SLC17A1: variants seen among roughly 807,000 people sequenced by gnomAD.
SLC17A1 encodes the protein sodium-dependent phosphate transport protein 1.
A neutral mutation model predicts 53.5 loss-of-function variants in SLC17A1; 51 were observed. The observed-to-expected ratio is 0.95, with a 90% CI of 0.76 to 1.20. The LOEUF is 1.20. Among genes scored for constraint, SLC17A1 ranks in the 50% most tolerant of loss-of-function variants. The probability of loss-of-function intolerance (pLI) is 0.00; values close to 1 mark genes in which losing one functional copy is unlikely to be tolerated. For synonymous variants in SLC17A1, 179 were observed against 198.8 expected (o/e 0.90, Z 0.84); for missense variants, 538 against 568.2 (o/e 0.95, Z 0.54).
At chr6:25,761,893 C>T in the SLC17A1 span, 1 of 1,261,218 alleles carries the variant, frequency 7.9e-7, no homozygotes, top group East Asian at 2.4e-5. Flanking sequence ...ATAAGATTCT[C>T]CCTGTATTTT....
chr6:25,810,747 C>T (rs188946209), intron 10 of SLC17A1, among the ~76,000 whole-genome samples: 60 of 152,258 alleles, frequency 3.9e-4, no homozygotes, highest in African/African-American at 1.4e-3. Flanking sequence ...AATTCCACTC[C>T]TGGGTGTCTA....
chr6:25,747,447 T>A, the SLC17A1 span, among the ~76,000 whole-genome samples: 1 of 152,182 alleles, frequency 6.6e-6, no homozygotes, highest in Non-Finnish European at 1.5e-5. Context: ...AGAATATGAC[T>A]CTAGGATGTC....
intron 12 of SLC17A1, among the ~76,000 whole-genome samples, chr6:25,792,158 T>G (rs1248528740): frequency 6.6e-6 from 1 of 152,188 alleles, no homozygotes; most frequent in Non-Finnish European, 1.5e-5. Context: ...ATTTGGGACT[T>G]CCAGCATTCA....
At chr6:25,726,076 A>C in the SLC17A1 span, 1 of 1,457,154 alleles carries the variant, frequency 6.9e-7, no homozygotes, top group South Asian at 1.4e-5. Flanking sequence ...GTGGCTCTGA[A>C]AAGAGCCTTT....
intron 12 of SLC17A1, among the ~76,000 whole-genome samples, chr6:25,784,398 G>T (rs1024488396): frequency 3.3e-5 from 5 of 152,194 alleles, no homozygotes; most frequent in South Asian, 2.1e-4. Flanking sequence ...TGCTTCTGGT[G>T]AGGGTCTCAG....
In SLC17A1 at chr6:25,813,064, G is replaced by A. The variant is rs1300157307; in HGVS notation, c.735+31C>T. The A allele has an allele frequency of 3.1e-6, 5 of 1,611,222 alleles. No individual in the cohort carries two copies. The Admixed American group carries it at 8.3e-5, about 27-fold the overall frequency. Reference sequence around the variant, plus strand: ...CATGTTTAGTTTGGAGTAGAATCTGGGAGATGCCAATATGGAGAACTGTGT... The same window carrying A: ...CATGTTTAGTTTGGAGTAGAATCTGAGAGATGCCAATATGGAGAACTGTGT... On this transcript the variant is annotated intron_variant, in intron 7 of 12. Coordinates refer to ENST00000244527, the MANE Select transcript of SLC17A1 (RefSeq NM_005074.5).
chr6:25,830,686 T>C, intron 1 of SLC17A1, 79 bp from the exon 2 acceptor site: 1 of 854,030 alleles, frequency 1.2e-6, no homozygotes, highest in Admixed American at 1.9e-5. Flanking sequence ...TCCTCTCTGA[T>C]TTAAAACCGC....
At chr6:25,731,963 A>G in the SLC17A1 span, 1 of 1,597,144 alleles carries the variant, frequency 6.3e-7, no homozygotes, top group East Asian at 2.3e-5. Context: ...AAATGTCACT[A>G]ACAAAAGAAT....
At chr6:25,773,211 C>T in the SLC17A1 span, 1 of 1,277,520 alleles carries the variant, frequency 7.8e-7, no homozygotes, top group Admixed American at 1.7e-5. Context: ...CAGGAATCAT[C>T]TTAGAGTCAA....
At chr6:25,773,187 C>A in the SLC17A1 span, 2 of 1,008,628 alleles carry the variant, frequency 2.0e-6, no homozygotes, top group Non-Finnish European at 3.1e-6. Context: ...TGAGGCCAGT[C>A]ACTCTGTCAA....
the SLC17A1 span, among the ~76,000 whole-genome samples, chr6:25,774,571 A>C: frequency 6.6e-6 from 1 of 152,210 alleles, no homozygotes; most frequent in African/African-American, 2.4e-5. Flanking sequence ...GAAGAGGGCC[A>C]GAAATTAAAC....
chr6:25,796,915 T>A lies in SLC17A1; in HGVS notation c.*2+1868A>T, dbSNP rs1032184903. 2.0e-4 allele frequency among the ~76,000 whole-genome samples: 30 copies of A among 152,310 alleles called. 1 individual carries two copies. Among genetic ancestry groups the A allele is most frequent in the Middle Eastern group, 3.4e-3 (1 of 294 alleles). On this transcript the variant is annotated intron_variant, in intron 12 of 12. Transcript: ENST00000244527. The stretch of plus-strand genomic sequence containing the variant: ...ATCGCACAGATGAGATGCCAACCTA[T>A]ATACTAACCCATCACATATACAACA...
At chr6:25,729,515 G>C in the SLC17A1 span, among the ~76,000 whole-genome samples, 1 of 152,182 alleles carries the variant, frequency 6.6e-6, no homozygotes, top group South Asian at 2.1e-4. Flanking sequence ...TTCCTCTCAG[G>C]TCCATTTTCT....
chr6:25,743,412 T>A, the SLC17A1 span, among the ~76,000 whole-genome samples: 4,940 of 152,270 alleles, frequency 0.032, 216 homozygotes, highest in African/African-American at 0.094. Flanking sequence ...GCCTTCTATT[T>A]TTGCCAGAAA....
At chr6:25,749,134 G>A in the SLC17A1 span, among the ~76,000 whole-genome samples, 9 of 152,212 alleles carry the variant, frequency 5.9e-5, no homozygotes, top group Non-Finnish European at 1.3e-4. Context: ...TATCACATGG[G>A]GAGAAACCTT....
chr6:25,770,861 T>C, the SLC17A1 span: 3 of 1,271,764 alleles, frequency 2.4e-6, no homozygotes, highest in Non-Finnish European at 3.5e-6. Flanking sequence ...CTCAGCATTG[T>C]AGAAAGCACA....
At chr6:25,776,582 C>T in the SLC17A1 span, 256 of 1,590,378 alleles carry the variant, frequency 1.6e-4, 1 homozygote, top group East Asian at 5.3e-3. Context: ...CTGACCTAGT[C>T]TCTGGTCCTC....
chr6:25,827,329 T>C (rs1027613263), intron 2 of SLC17A1, among the ~76,000 whole-genome samples: 2 of 152,080 alleles, frequency 1.3e-5, no homozygotes, highest in African/African-American at 4.8e-5. Context: ...AATAGCAGAA[T>C]GTTTGGAAAG....
Position 25,811,378 on chromosome 6 carries a change from A to G in SLC17A1, c.1178+20T>C. 6.3e-7 allele frequency: 1 copy of G among 1,583,982 alleles called. No homozygotes were observed. Among genetic ancestry groups the G allele is most frequent in the Non-Finnish European group, 8.6e-7 (1 of 1,163,832 alleles). On this transcript the variant is annotated intron_variant, in intron 10 of 12. Coordinates refer to ENST00000244527, the MANE Select transcript of SLC17A1 (RefSeq NM_005074.5). ...ATTTATTTGTTAAAGGTTAAAAAAA[A>G]GCGTATAAACAAATCCTACCTGGGA...
Sources: gnomAD v4.1 joint callset for allele counts (sites outside exome capture counted in the v4.1 genomes callset) on GRCh38, gnomAD v4.1.1 for gene constraint, MANE v1.5 for transcripts, NCBI Gene and HGNC (gene_info 2026-07-23, HGNC 2026-07-21) for gene names.